TRIQK: variants seen among roughly 807,000 people sequenced by gnomAD.
The protein encoded by TRIQK is triple QxxK/R motif containing.
In TRIQK, 10 loss-of-function variants were observed where a neutral mutation model predicts 10.8. The ratio of observed to expected loss-of-function variants is 0.92; its 90% CI spans 0.57 to 1.57. The LOEUF (loss-of-function observed/expected upper bound fraction) is 1.57, where lower values mean the gene tolerates loss of function less well. Ranked by LOEUF, TRIQK falls within the 40% of genes most tolerant of loss-of-function variation. The pLI, the probability that TRIQK is intolerant of heterozygous loss-of-function variation, is 0.00. For missense variants in TRIQK, 107 were observed against 97.7 expected (o/e 1.09, Z -0.40); for synonymous variants, 33 against 33.7 (o/e 0.98, Z 0.07).
At chr8:92,927,637 C>A (rs1488493771) in intron 2 of TRIQK, among the ~76,000 whole-genome samples, 1 of 152,066 alleles carries the variant, frequency 6.6e-6, no homozygotes, top group Non-Finnish European at 1.5e-5. Context: ...TGTTAAGGAA[C>A]TGAAAGACCA....
intron 2 of TRIQK, among the ~76,000 whole-genome samples, chr8:92,944,413 G>A: frequency 6.6e-6 from 1 of 151,876 alleles, no homozygotes; most frequent in East Asian, 1.9e-4. Flanking sequence ...GCACTTCAAT[G>A]TTTATAACAG....
rs1426748082 is a variant in TRIQK, at chr8:92,883,574, C to CT, written c.*3047dup. The CT allele has an allele frequency of 6.6e-6, 1 of 151,616 alleles. No individual in the cohort carries two copies. The highest frequency in any genetic ancestry group is 1.5e-5 in the Non-Finnish European group (1 of 67,778). The allele number at this position is 151,616 out of a possible 1,614,324, so 9.4% of individuals were successfully genotyped here. On this transcript the variant is annotated 3_prime_UTR_variant, in exon 5 of 5. Transcript: ENST00000521988. The stretch of plus-strand genomic sequence containing the variant: ...TTAAGTTTTATTGATTAAATTCAAA[C>CT]TTTTTTATCATTTACACAAAGAAAC...
chr8:93,012,511 G>A (rs1021267666), intron 1 of TRIQK, among the ~76,000 whole-genome samples: 1 of 152,084 alleles, frequency 6.6e-6, no homozygotes, highest in Non-Finnish European at 1.5e-5. Context: ...ATTCAGAAAT[G>A]GTTAAGGAAA....
At chr8:93,008,247 A>G (rs974809681) in intron 1 of TRIQK, among the ~76,000 whole-genome samples, 2 of 152,200 alleles carry the variant, frequency 1.3e-5, no homozygotes, top group African/African-American at 2.4e-5. Flanking sequence ...AAATTTACCT[A>G]TGTAATAAAC....
chr8:92,921,122 A>C (rs988679818), intron 2 of TRIQK, among the ~76,000 whole-genome samples: 4 of 151,690 alleles, frequency 2.6e-5, no homozygotes, highest in African/African-American at 7.2e-5. Flanking sequence ...GGTATAAAGC[A>C]GTTATCCACT....
intron 1 of TRIQK, among the ~76,000 whole-genome samples, chr8:92,958,573 T>C (rs1049220183): frequency 2.6e-5 from 4 of 152,000 alleles, no homozygotes; most frequent in African/African-American, 9.7e-5. Context: ...GGAATAGAGA[T>C]GGAAAAGAGA....
intron 2 of TRIQK, among the ~76,000 whole-genome samples, chr8:92,936,974 A>T (rs1811019941): frequency 6.6e-6 from 1 of 151,750 alleles, no homozygotes; most frequent in Admixed American, 6.6e-5. Flanking sequence ...AATTAATAAA[A>T]TATTTGAGGG....
At chr8:92,944,740 G>C (rs1327290377) in intron 2 of TRIQK, among the ~76,000 whole-genome samples, 1 of 152,098 alleles carries the variant, frequency 6.6e-6, no homozygotes, top group Non-Finnish European at 1.5e-5. Flanking sequence ...GTAAATTTTG[G>C]TTAACAGTAC....
chr8:92,920,837 T>G (rs1442083225), intron 2 of TRIQK, among the ~76,000 whole-genome samples: 1 of 151,782 alleles, frequency 6.6e-6, no homozygotes, highest in Non-Finnish European at 1.5e-5. Flanking sequence ...AGCCAACTTT[T>G]GGGCCTCTAC....
At chr8:92,947,432 A>C (rs2130642042) in intron 2 of TRIQK, among the ~76,000 whole-genome samples, 1 of 151,692 alleles carries the variant, frequency 6.6e-6, no homozygotes, top group South Asian at 2.1e-4. Flanking sequence ...AAAATACAAA[A>C]AATTAGCTAG....
At chr8:92,983,711 G>C (rs1813006948) in intron 1 of TRIQK, among the ~76,000 whole-genome samples, 1 of 152,054 alleles carries the variant, frequency 6.6e-6, no homozygotes, top group Admixed American at 6.6e-5. Context: ...GTTTAAGGTG[G>C]AAAGAAATTG....
intron 2 of TRIQK, among the ~76,000 whole-genome samples, chr8:92,949,509 G>A (rs899116278): frequency 6.9e-6 from 1 of 144,732 alleles, no homozygotes; most frequent in South Asian, 2.2e-4. Flanking sequence ...GCAGTATGCA[G>A]TCAAGGAAGA....
rs1812985982 is a variant in TRIQK at position 92,981,455 on chromosome 8, T to C, written c.-180-26891A>G. ...TTTCAAACTCATGAAATCAATAGTT[T>C]CTAATAGTAAGTTTTAAACTTTCTC... On this transcript the variant is annotated intron_variant, in intron 1 of 4. Coordinates refer to the TRIQK transcript ENST00000520686. 2.6e-5 allele frequency among the ~76,000 whole-genome samples: 4 copies of C among 152,086 alleles called. 1 individual carries two copies. In the South Asian group the frequency reaches 8.3e-4, roughly 32 times the overall value.
intron 2 of TRIQK, 86 bp downstream of exon 2, chr8:92,954,320 C>A (rs746833465): frequency 6.6e-6 from 1 of 151,734 alleles, no homozygotes; most frequent in Non-Finnish European, 1.5e-5. Flanking sequence ...CAGAAAAAAA[C>A]AACCCAAAGC....
At chr8:92,972,096 T>A (rs1812882514) in intron 1 of TRIQK, among the ~76,000 whole-genome samples, 1 of 152,184 alleles carries the variant, frequency 6.6e-6, no homozygotes. Flanking sequence ...AGATGTATTA[T>A]GCCTGTTGTT....
intron 1 of TRIQK, among the ~76,000 whole-genome samples, chr8:92,971,767 C>T (rs539002405): frequency 2.0e-5 from 3 of 152,174 alleles, no homozygotes; most frequent in South Asian, 4.1e-4. Context: ...AAACTACCAT[C>T]GACAGTCTTC....
intron 1 of TRIQK, among the ~76,000 whole-genome samples, chr8:92,960,350 C>G (rs988391136): frequency 1.3e-5 from 2 of 152,076 alleles, no homozygotes; most frequent in African/African-American, 2.4e-5. Context: ...CAAATCTATT[C>G]TCTACACCGA....
chr8:92,922,853 T>C (rs1045442334), intron 2 of TRIQK, among the ~76,000 whole-genome samples: 2 of 151,806 alleles, frequency 1.3e-5, no homozygotes, highest in South Asian at 2.1e-4. Context: ...ATTTTTGTTC[T>C]AGTTATTTTT....
At chr8:92,972,716 C>G (rs1482308570) in intron 1 of TRIQK, 1 of 152,226 alleles carries the variant, frequency 6.6e-6, no homozygotes, top group African/African-American at 2.4e-5. Flanking sequence ...GAAGGCTAAG[C>G]AGTGCTGAGC....
Sources: gnomAD v4.1 joint callset for allele counts (sites outside exome capture counted in the v4.1 genomes callset) on GRCh38, gnomAD v4.1.1 for gene constraint, MANE v1.5 for transcripts, NCBI Gene and HGNC (gene_info 2026-07-23, HGNC 2026-07-21) for gene names.